LMOD1: variants seen among roughly 807,000 people sequenced by gnomAD.
LMOD1 encodes the protein leiomodin-1.
In LMOD1, 8 loss-of-function variants were observed where a neutral mutation model predicts 36.5. The ratio of observed to expected loss-of-function variants is 0.22; its 90% CI spans 0.13 to 0.40. LMOD1 has a LOEUF of 0.40. Ranked by LOEUF, LMOD1 falls within the 10% of genes least tolerant of loss-of-function variation. The pLI is 1.00. For missense variants in LMOD1, 630 were observed against 751.1 expected (o/e 0.84, Z 1.88); for synonymous variants, 284 against 288.7 (o/e 0.98, Z 0.17).
At chr1:201,926,738 A>T (rs1046317980) in intron 1 of LMOD1, among the ~76,000 whole-genome samples, 1 of 152,296 alleles carries the variant, frequency 6.6e-6, no homozygotes, top group South Asian at 2.1e-4. Context: ...AAACTGAAGC[A>T]GGGAGCCGTA....
rs1198140242 is a variant in LMOD1 at position 201,946,399 on chromosome 1, G to A, written c.-59C>T. On this transcript the variant is annotated 5_prime_UTR_variant, in exon 1 of 3. Transcript: ENST00000367288. ...TCAGAGTCCTGGTGGGCAGGGAAGG[G>A]AGAGGGGTGAGCTGATCTGGATGCA... 6 of 1,567,938 alleles carry A rather than the reference G, an allele frequency of 3.8e-6. No homozygotes were observed. The highest frequency in any genetic ancestry group is 2.6e-6 in the Non-Finnish European group (3 of 1,150,460).
At chr1:201,924,722 AAAG>A (rs1248478323) in intron 1 of LMOD1, among the ~76,000 whole-genome samples, 11 of 145,450 alleles carry the variant, frequency 7.6e-5, no homozygotes, top group African/African-American at 2.9e-4. Flanking sequence ...AGAAAGAAAG[AAAG>A]AAAGAAAAGA....
chr1:201,908,214 AG>A (rs780433487), intron 1 of LMOD1, among the ~76,000 whole-genome samples: 4 of 152,124 alleles, frequency 2.6e-5, no homozygotes, highest in Non-Finnish European at 4.4e-5. Context: ...GACCCTTCCC[AG>A]CCCATCCCAT....
chr1:201,936,160 C>A (rs1017315594), intron 1 of LMOD1, among the ~76,000 whole-genome samples: 66 of 151,166 alleles, frequency 4.4e-4, no homozygotes, highest in Non-Finnish European at 7.2e-4. Flanking sequence ...GTACTGATCA[C>A]CCCGACTCTT....
intron 1 of LMOD1, among the ~76,000 whole-genome samples, chr1:201,931,035 T>C (rs1056418778): frequency 1.3e-5 from 2 of 152,106 alleles, no homozygotes; most frequent in African/African-American, 2.4e-5. Flanking sequence ...ATAGTGAGCA[T>C]GGATGCCATT....
At chr1:201,922,322 C>G (rs1304870650) in intron 1 of LMOD1, among the ~76,000 whole-genome samples, 1 of 152,136 alleles carries the variant, frequency 6.6e-6, no homozygotes, top group Non-Finnish European at 1.5e-5. Flanking sequence ...CTATTAGCCC[C>G]CAAATGGAAA....
chr1:201,927,436 T>G (rs961879532), intron 1 of LMOD1, among the ~76,000 whole-genome samples: 7 of 151,932 alleles, frequency 4.6e-5, no homozygotes, highest in Admixed American at 3.3e-4. Context: ...TGTGGTGGCG[T>G]GTGCCTGTAA....
chr1:201,930,510 T>C (rs1293690042), intron 1 of LMOD1, among the ~76,000 whole-genome samples: 1 of 152,122 alleles, frequency 6.6e-6, no homozygotes, highest in Non-Finnish European at 1.5e-5. Flanking sequence ...ATGGTACTTC[T>C]ATTCATCAAA....
chr1:201,899,102 C>G lies in LMOD1; in HGVS notation c.1776+135G>C. 1.3e-6 allele frequency: 1 copy of G among 757,380 alleles called. No individual in the cohort carries two copies. The highest frequency in any genetic ancestry group is 2.7e-5 in the East Asian group (1 of 36,730). 46.9% of individuals were successfully genotyped at this position (757,380 alleles called of 1,614,324 possible). ...AGGATGCATGAGATGACCTGAAGTC[C>G]CCTATGGGCCCTGGGAGTCTATATC... On this transcript the variant is annotated intron_variant, in intron 2 of 2. Coordinates refer to ENST00000367288, the MANE Select transcript of LMOD1 (RefSeq NM_012134.3). This position sits in a 1 kb window ranked among gnomAD's most constrained non-coding sequence, Gnocchi z 6.3.
intron 1 of LMOD1, among the ~76,000 whole-genome samples, chr1:201,931,870 C>T (rs1681928931): frequency 6.6e-6 from 1 of 151,870 alleles, no homozygotes; most frequent in South Asian, 2.1e-4. Flanking sequence ...CACTGCACTC[C>T]AACCTGGGTG....
At chr1:201,941,554 G>GCTTAAGCAATTCCTTAAGCATTGAGCAT (rs1682116522) in intron 1 of LMOD1, among the ~76,000 whole-genome samples, 3 of 152,204 alleles carry the variant, frequency 2.0e-5, no homozygotes, top group Non-Finnish European at 2.9e-5. Flanking sequence ...GCATTGAGCC[G>GCTTAAGCAATTCCTTAAGCATTGAGCAT]TGCTGCTCAG....
At chr1:201,942,174 C>T (rs547153571) in intron 1 of LMOD1, among the ~76,000 whole-genome samples, 1 of 152,148 alleles carries the variant, frequency 6.6e-6, no homozygotes. Flanking sequence ...CTCCCCAATC[C>T]CCTGCTAACA....
chr1:201,899,148 C>T lies in LMOD1; in HGVS notation c.1776+89G>A. On this transcript the variant is annotated intron_variant, in intron 2 of 2. Transcript: ENST00000367288. The surrounding 1 kb of genome is among the most constrained non-coding windows in gnomAD (Gnocchi z 6.3). Reference sequence around the variant, plus strand: ...ATATCATCTGCAGCCGACATAAGCTCCTCTGCATGCCTTCCCTTTTGCAGT... The same window carrying T: ...ATATCATCTGCAGCCGACATAAGCTTCTCTGCATGCCTTCCCTTTTGCAGT... The T allele has an allele frequency of 8.2e-7, 1 of 1,217,272 alleles. No individual in the cohort carries two copies. The highest frequency in any genetic ancestry group is 1.1e-6 in the Non-Finnish European group (1 of 888,138). 75.4% of individuals were successfully genotyped at this position (1,217,272 alleles called of 1,614,324 possible).
At chr1:201,937,737 T>C (rs936003367) in intron 1 of LMOD1, among the ~76,000 whole-genome samples, 4 of 152,000 alleles carry the variant, frequency 2.6e-5, no homozygotes, top group Non-Finnish European at 5.9e-5. Flanking sequence ...CTGCACTCCA[T>C]CCTGGGGAAC....
At chr1:201,922,265 T>G (rs541323988) in intron 1 of LMOD1, among the ~76,000 whole-genome samples, 17 of 152,150 alleles carry the variant, frequency 1.1e-4, no homozygotes, top group Non-Finnish European at 1.9e-4. Flanking sequence ...ATTGAAAATA[T>G]ATGTCCACAA....
intron 1 of LMOD1, among the ~76,000 whole-genome samples, chr1:201,931,503 A>C (rs902884384): frequency 1.4e-5 from 2 of 143,880 alleles, no homozygotes; most frequent in Non-Finnish European, 3.0e-5. Flanking sequence ...GTGCCACTGC[A>C]CTCCAGCCTG....
chr1:201,935,169 A>G (rs1218650902), intron 1 of LMOD1, among the ~76,000 whole-genome samples: 1 of 152,248 alleles, frequency 6.6e-6, no homozygotes, highest in African/African-American at 2.4e-5. Context: ...GCAAGAGTGC[A>G]GAAATGAGAC....
At chr1:201,904,462 G>A (rs1015114310) in intron 1 of LMOD1, among the ~76,000 whole-genome samples, 14 of 152,024 alleles carry the variant, frequency 9.2e-5, no homozygotes, top group Non-Finnish European at 1.2e-4. Context: ...CACCTGCCTC[G>A]GCCTCCCAAA....
chr1:201,897,165 C>T lies in LMOD1; in HGVS notation c.*1207G>A, dbSNP rs1681209646. On this transcript the variant is annotated 3_prime_UTR_variant, in exon 3 of 3. Coordinates refer to ENST00000367288, the MANE Select transcript of LMOD1 (RefSeq NM_012134.3). Reference sequence around the variant, plus strand: ...CTGGGGAAGATGAGGCCCCTCTGAGCCCTAGGGCACACAGATATGGGTGCT... The same window carrying T: ...CTGGGGAAGATGAGGCCCCTCTGAGTCCTAGGGCACACAGATATGGGTGCT... The T allele has an allele frequency of 8.6e-6, 2 of 232,508 alleles. No individual in the cohort carries two copies. Among genetic ancestry groups the T allele is most frequent in the Admixed American group, 5.1e-5 (1 of 19,456 alleles). The allele number at this position is 232,508 out of a possible 1,614,324, so 14.4% of individuals were successfully genotyped here.
Sources: gnomAD v4.1 joint callset for allele counts (sites outside exome capture counted in the v4.1 genomes callset) on GRCh38, gnomAD v4.1.1 for gene constraint, Gnocchi (gnomAD v3.1) non-coding constraint, MANE v1.5 for transcripts, NCBI Gene and HGNC (gene_info 2026-07-23, HGNC 2026-07-21) for gene names.